Variants in ZNF84 observed in about 807,000 individuals in gnomAD.
ZNF84 encodes the protein zinc finger protein 84.
Under a neutral mutation model 14.8 loss-of-function variants are expected in ZNF84, and 12 were observed. The observed-to-expected ratio is 0.81, with a 90% CI of 0.52 to 1.31. ZNF84 has a LOEUF of 1.31. Ranked by LOEUF, ZNF84 falls within the 50% of genes most tolerant of loss-of-function variation. The probability of loss-of-function intolerance (pLI) is 0.00; values close to 1 mark genes in which losing one functional copy is unlikely to be tolerated. For missense variants in ZNF84, 859 were observed against 878.6 expected (o/e 0.98, Z 0.28); for synonymous variants, 347 against 291.1 (o/e 1.19, Z -1.96).
rs1301741524 is a variant in ZNF84, at chr12:133,061,991, C to G, written c.*3059C>G. The G allele has an allele frequency of 4.6e-5, 7 of 152,122 alleles. No individual in the cohort carries two copies. The highest frequency in any genetic ancestry group is 1.0e-4 in the Non-Finnish European group (7 of 68,020). 9.4% of individuals were successfully genotyped at this position (152,122 alleles called of 1,614,324 possible). A position where few individuals can be genotyped will look rare whatever the true frequency, so the allele number is the denominator to read the frequency against. On this transcript the variant is annotated 3_prime_UTR_variant, in exon 5 of 5. Transcript: ENST00000539354. ...CCCTTATTGTTTCCTACCACAAATT[C>G]TACATCAAGAAGAAAGTTTTAAAGT...
At chr12:133,040,448 C>T (rs1166317082) in intron 1 of ZNF84, 1 of 151,762 alleles carries the variant, frequency 6.6e-6, no homozygotes, top group Non-Finnish European at 1.5e-5. Flanking sequence ...GCACACAAAC[C>T]TGTAGTTCCA....
intron 4 of ZNF84, among the ~76,000 whole-genome samples, chr12:133,052,903 T>C (rs1405978896): frequency 1.3e-5 from 2 of 152,092 alleles, no homozygotes; most frequent in Non-Finnish European, 2.9e-5. Flanking sequence ...AGTCAGAAAA[T>C]GGTTTAGTTA....
chr12:133,057,321 A>C lies in ZNF84; in HGVS notation c.606A>C (p.Leu202Phe). ...SQIIIYHRNR[L>F]GEKLYECSEC... Reference sequence around the variant, plus strand: ...TTATCATATATCATAGAAATCGTTTAGGGGAGAAACTCTATGAATGCAGTG... The same window carrying C: ...TTATCATATATCATAGAAATCGTTTCGGGGAGAAACTCTATGAATGCAGTG... Residue 202 changes from leucine (L) to phenylalanine (F), a missense_variant, in exon 5 of 5, where the codon TTA (leucine) becomes TTC (phenylalanine). Coordinates refer to ENST00000539354, the MANE Select transcript of ZNF84 (RefSeq NM_001289971.2). 1.2e-6 allele frequency: 2 copies of C among 1,613,226 alleles called. No homozygotes were observed. The highest frequency in any genetic ancestry group is 2.2e-5 in the South Asian group (2 of 90,888).
rs1194128711 is a variant in ZNF84, at chr12:133,042,893, G to T, written c.15+1411G>T. Among the ~76,000 whole-genome samples, 11 of 152,250 alleles carry T rather than the reference G, an allele frequency of 7.2e-5. No homozygotes were observed. In the East Asian group the frequency reaches 2.1e-3, roughly 29 times the overall value. ...CAGATCAGGAAATAGAATATTCTTA[G>T]CCCAGATGAGTCCCTTCATGTGCCC... On this transcript the variant is annotated intron_variant, in intron 2 of 4. Transcript: ENST00000539354.
chr12:133,056,825 A>T, intron 4 of ZNF84, 129 bp from the exon 5 acceptor site: 1 of 656,878 alleles, frequency 1.5e-6, no homozygotes, highest in Non-Finnish European at 2.5e-6. Context: ...TATACTTGGG[A>T]CTTATTTCAG....
In ZNF84 at chr12:133,057,819, T is replaced by G; in HGVS notation, c.1104T>G (p.Thr368=). The stretch of plus-strand genomic sequence containing the variant: ...CACAACTCGTTACACATCACAGAAC[T>G]CACACAGGAACAAAACCCTTTGGAT... ...RKSQLVTHHR[T]HTGTKPFGCS... is the part of the protein sequence containing the mutation. Residue 368 remains threonine, a synonymous_variant, in exon 5 of 5, where the codon ACT becomes ACG. Transcript: ENST00000539354. 1.9e-6 allele frequency: 3 copies of G among 1,613,752 alleles called. No individual in the cohort carries two copies. The highest frequency in any genetic ancestry group is 2.5e-6 in the Non-Finnish European group (3 of 1,179,936).
intron 4 of ZNF84, among the ~76,000 whole-genome samples, chr12:133,052,208 T>C (rs1452715430): frequency 6.6e-6 from 1 of 152,154 alleles, no homozygotes; most frequent in Admixed American, 6.5e-5. Context: ...AAGATCAAGG[T>C]ACCACCATGA....
rs1305228008 is a variant in ZNF84, at chr12:133,041,491, A to T, written c.15+9A>T. 1.9e-6 allele frequency: 3 copies of T among 1,613,900 alleles called. No individual in the cohort carries two copies. Among genetic ancestry groups the T allele is most frequent in the African/African-American group, 1.3e-5 (1 of 74,930 alleles). On this transcript the variant is annotated intron_variant, in intron 2 of 4. Transcript: ENST00000539354. ...AAATGACCATGTTACAGGTGAGTTG[A>T]TTGTTGAGTTCTTATTTTTTCCCAG...
Position 133,059,834 on chromosome 12 carries a change from C to T in ZNF84, c.*902C>T, listed in dbSNP as rs991560910. On this transcript the variant is annotated 3_prime_UTR_variant, in exon 5 of 5. Coordinates refer to ENST00000539354, the MANE Select transcript of ZNF84 (RefSeq NM_001289971.2). ...TGAATAAGTACCTTAAGTGATAACC[C>T]GTTTCTTTTAACTTATAGACATACA... 13 of 152,222 alleles carry T rather than the reference C, an allele frequency of 8.5e-5. No individual in the cohort carries two copies. Among genetic ancestry groups the T allele is most frequent in the East Asian group, 1.9e-4 (1 of 5,178 alleles). 9.4% of individuals were successfully genotyped at this position (152,222 alleles called of 1,614,324 possible).
chr12:133,059,057 G>A lies in ZNF84; in HGVS notation c.*125G>A. On this transcript the variant is annotated 3_prime_UTR_variant, in exon 5 of 5. Coordinates refer to ENST00000539354, the MANE Select transcript of ZNF84 (RefSeq NM_001289971.2). ...CTCCATGAGGATGAGAACTCTAAAT[G>A]AGGTGGTGTATGGAAAGCCGATCAT... 2 of 949,318 alleles carry A rather than the reference G, an allele frequency of 2.1e-6. No individual in the cohort carries two copies. Among genetic ancestry groups the A allele is most frequent in the Non-Finnish European group, 3.1e-6 (2 of 639,834 alleles). The allele number at this position is 949,318 out of a possible 1,614,324, so 58.8% of individuals were successfully genotyped here.
In ZNF84 at chr12:133,058,683, A is replaced by T. The variant is rs1954205377; in HGVS notation, c.1968A>T (p.Glu656Asp). ...QRIHTGEKPFECSECGKAFSR... is the reference protein window; with the variant it reads ...QRIHTGEKPFDCSECGKAFSR... ...TACATACAGGAGAGAAGCCTTTTGA[A>T]TGCAGTGAGTGTGGCAAAGCTTTCT... Residue 656 changes from glutamate to aspartate, a missense_variant, in exon 5 of 5, where the codon GAA (glutamate) becomes GAT (aspartate). Glu to Asp is a conservative substitution (Grantham distance 45, BLOSUM62 2). Coordinates refer to ENST00000539354, the MANE Select transcript of ZNF84 (RefSeq NM_001289971.2). 1 of 1,614,016 alleles carries T rather than the reference A, an allele frequency of 6.2e-7. No homozygotes were observed. The highest frequency in any genetic ancestry group is 1.3e-5 in the African/African-American group (1 of 74,928).
intron 2 of ZNF84, among the ~76,000 whole-genome samples, chr12:133,046,979 A>ATG (rs1953994092): frequency 6.9e-6 from 1 of 144,994 alleles, no homozygotes; most frequent in African/African-American, 2.5e-5. Context: ...TTATTTATAT[A>ATG]TATATATAAT....
chr12:133,044,871 GC>G (rs1390169469), intron 2 of ZNF84, among the ~76,000 whole-genome samples: 2 of 151,300 alleles, frequency 1.3e-5, no homozygotes, highest in African/African-American at 4.9e-5. Context: ...CCGAGATTGC[GC>G]CACTGCACTC....
In ZNF84 at chr12:133,059,837, T is replaced by G. The variant is rs1954227570; in HGVS notation, c.*905T>G. 6.6e-6 allele frequency: 1 copy of G among 152,202 alleles called. No homozygotes were observed. Among genetic ancestry groups the G allele is most frequent in the African/African-American group, 2.4e-5 (1 of 41,452 alleles). 9.4% of individuals were successfully genotyped at this position (152,202 alleles called of 1,614,324 possible). A position where few individuals can be genotyped will look rare whatever the true frequency, so the allele number is the denominator to read the frequency against. Reference sequence around the variant, plus strand: ...ATAAGTACCTTAAGTGATAACCCGTTTCTTTTAACTTATAGACATACATAA... The same window carrying G: ...ATAAGTACCTTAAGTGATAACCCGTGTCTTTTAACTTATAGACATACATAA... On this transcript the variant is annotated 3_prime_UTR_variant, in exon 5 of 5. Transcript: ENST00000539354.
chr12:133,048,696 G>A (rs1195731388), intron 3 of ZNF84, 57 bp from the exon 4 acceptor site: 5 of 1,342,566 alleles, frequency 3.7e-6, no homozygotes, highest in Non-Finnish European at 5.3e-6. Flanking sequence ...CTCAACTTTA[G>A]AGGCCCTAAA....
At chr12:133,042,090 C>T (rs776001276) in intron 2 of ZNF84, among the ~76,000 whole-genome samples, 100 of 152,316 alleles carry the variant, frequency 6.6e-4, no homozygotes, top group Non-Finnish European at 1.2e-3. Flanking sequence ...TCCAGCAGAT[C>T]CATGCTGTAT....
chr12:133,041,445 AT>A lies in ZNF84; in HGVS notation c.-22del, dbSNP rs1454888166. The A allele has an allele frequency of 6.2e-6, 10 of 1,613,682 alleles. No homozygotes were observed. The South Asian group carries it at 9.9e-5, about 16-fold the overall frequency. ...AGTAGAACCGATCTCAGCCTTGCTG[AT>A]CATCTCGTACAGCAGCAGAAAATGA... On this transcript the variant is annotated 5_prime_UTR_variant, in exon 2 of 5. Transcript: ENST00000539354.
At chr12:133,049,082 T>C (rs1029299142) in intron 4 of ZNF84, among the ~76,000 whole-genome samples, 2 of 152,200 alleles carry the variant, frequency 1.3e-5, no homozygotes, top group African/African-American at 4.8e-5. Flanking sequence ...CTCAGAACAA[T>C]TGACATTAGC....
rs901898822 is a variant in ZNF84 at position 133,046,878 on chromosome 12, A to G, written c.16-1077A>G. Among the ~76,000 whole-genome samples, 828 of 105,832 alleles carry G rather than the reference A, an allele frequency of 7.8e-3. 13 individuals carry two copies. Among genetic ancestry groups the G allele is most frequent in the Middle Eastern group, 0.053 (13 of 244 alleles). The allele number at this position is 105,832 out of a possible 152,430, so 69.4% of individuals were successfully genotyped here. ...TATATATGATATTTATATTATATAT[A>G]TTTATATATTATTTTTAATATAATA... On this transcript the variant is annotated intron_variant, in intron 2 of 4. Coordinates refer to ENST00000539354, the MANE Select transcript of ZNF84 (RefSeq NM_001289971.2).
Sources: gnomAD v4.1 joint callset for allele counts (sites outside exome capture counted in the v4.1 genomes callset) on GRCh38, gnomAD v4.1.1 for gene constraint, MANE v1.5 for transcripts, NCBI Gene and HGNC (gene_info 2026-07-23, HGNC 2026-07-21) for gene names.